Variants in TAFA2 observed in about 807,000 individuals in gnomAD.
The protein encoded by TAFA2 is chemokine-like protein TAFA-2.
A neutral mutation model predicts 18.8 loss-of-function variants in TAFA2; 7 were observed. That is an observed-to-expected ratio of 0.37 (90% confidence interval 0.21 to 0.70). TAFA2 has a LOEUF of 0.70. TAFA2 is among the 30% of genes least tolerant of loss of function. The pLI is 0.53. For missense variants in TAFA2, 122 were observed against 158.1 expected, an observed-to-expected ratio of 0.77 and a Z score of 1.23; for synonymous variants, 60 against 54.2, an observed-to-expected ratio of 1.11 and a Z score of -0.47.
chr12:61,806,220 G>C (rs1160333443), intron 2 of TAFA2, among the ~76,000 whole-genome samples: 1 of 152,172 alleles, frequency 6.6e-6, no homozygotes, highest in Admixed American at 6.6e-5. Context: ...CCCAGGTGTT[G>C]TGGGAGGCAC....
At chr12:61,769,553 C>T (rs914896903) in intron 2 of TAFA2, among the ~76,000 whole-genome samples, 1 of 152,088 alleles carries the variant, frequency 6.6e-6, no homozygotes, top group African/African-American at 2.4e-5. Context: ...GAAGACAGAT[C>T]ACATCACAGG....
At chr12:61,824,837 G>A (rs940217097) in intron 2 of TAFA2, among the ~76,000 whole-genome samples, 12 of 152,092 alleles carry the variant, frequency 7.9e-5, no homozygotes, top group Admixed American at 2.0e-4. Context: ...TAACTTTGTC[G>A]CACTAAGTTT....
At chr12:61,821,291 G>A (rs1355724249) in intron 2 of TAFA2, among the ~76,000 whole-genome samples, 1 of 152,050 alleles carries the variant, frequency 6.6e-6, no homozygotes, top group Middle Eastern at 3.4e-3. Flanking sequence ...ATAGGTTAAT[G>A]ATTTGAAAAT....
At chr12:61,889,901 T>C (rs1875552338) in intron 1 of TAFA2, among the ~76,000 whole-genome samples, 1 of 152,226 alleles carries the variant, frequency 6.6e-6, no homozygotes, top group Non-Finnish European at 1.5e-5. Flanking sequence ...CACTGACTTT[T>C]TCTATTACCA....
At chr12:61,784,460 T>C (rs1439391949) in intron 2 of TAFA2, among the ~76,000 whole-genome samples, 1 of 151,526 alleles carries the variant, frequency 6.6e-6, no homozygotes, top group Non-Finnish European at 1.5e-5. Flanking sequence ...CCTCTTCTGC[T>C]TCAAGTTTAA....
intron 1 of TAFA2, among the ~76,000 whole-genome samples, chr12:62,172,780 G>A (rs1305964964): frequency 6.6e-6 from 1 of 152,152 alleles, no homozygotes; most frequent in Non-Finnish European, 1.5e-5. Flanking sequence ...TATTAAGATA[G>A]AATTTAAATG....
At chr12:61,717,123 C>T (rs1355293910) in intron 4 of TAFA2, among the ~76,000 whole-genome samples, 4 of 152,008 alleles carry the variant, frequency 2.6e-5, no homozygotes, top group African/African-American at 4.8e-5. Flanking sequence ...GTGCTAAATG[C>T]GCAATTAAAA....
At chr12:62,198,535 G>A (rs1193767481) in intron 1 of TAFA2, 4 of 152,094 alleles carry the variant, frequency 2.6e-5, no homozygotes, top group Admixed American at 2.6e-4. Context: ...AAACTTACGA[G>A]TCCCAGTTCA....
In TAFA2 at chr12:62,254,157, ATTTG is replaced by A. The variant is rs1303016673; in HGVS notation, c.-130+4602_-130+4605del. Among the ~76,000 whole-genome samples the A allele has an allele frequency of 1.4e-4, 21 of 152,290 alleles. No homozygotes were observed. In the South Asian group the frequency reaches 3.7e-3, roughly 27 times the overall value. On this transcript the variant is annotated intron_variant, in intron 1 of 5. Coordinates refer to the TAFA2 transcript ENST00000551619. ...ACATAACAACTTTGTGATCTTATTA[ATTTG>A]TTTATCTTATTATTAAAATCAAATT...
chr12:62,128,098 T>G (rs1870537355), intron 1 of TAFA2, among the ~76,000 whole-genome samples: 1 of 151,982 alleles, frequency 6.6e-6, no homozygotes, highest in Non-Finnish European at 1.5e-5. Flanking sequence ...CATGTTGCGA[T>G]TAAGGTGCCT....
At chr12:62,005,788 A>T (rs1383305777) in intron 1 of TAFA2, among the ~76,000 whole-genome samples, 4 of 152,164 alleles carry the variant, frequency 2.6e-5, no homozygotes, top group African/African-American at 9.6e-5. Flanking sequence ...TGAGGTGTAG[A>T]CAGTTCATTT....
In TAFA2 at chr12:61,835,015, G is replaced by C. The variant is rs541271376; in HGVS notation, c.106+32305C>G. Among the ~76,000 whole-genome samples the C allele has an allele frequency of 3.3e-5, 5 of 151,504 alleles. No individual in the cohort carries two copies. In the South Asian group the frequency reaches 1.0e-3, roughly 32 times the overall value. Reference sequence around the variant, plus strand: ...ACTATGATACTCCAGAATTGCTTTTGTTGTCTCAGCTGCTCTGTCTGGACT... The same window carrying C: ...ACTATGATACTCCAGAATTGCTTTTCTTGTCTCAGCTGCTCTGTCTGGACT... On this transcript the variant is annotated intron_variant, in intron 2 of 4. Transcript: ENST00000416284.
intron 1 of TAFA2, among the ~76,000 whole-genome samples, chr12:61,919,402 C>A (rs943865934): frequency 1.3e-5 from 2 of 152,132 alleles, no homozygotes; most frequent in Non-Finnish European, 2.9e-5. Flanking sequence ...CCTTCCAATT[C>A]TCTTTCTGAA....
intron 4 of TAFA2, among the ~76,000 whole-genome samples, chr12:61,719,718 G>T (rs1289830887): frequency 2.0e-5 from 3 of 152,122 alleles, no homozygotes; most frequent in Non-Finnish European, 2.9e-5. Flanking sequence ...TGTGCAGCGG[G>T]CAAGAAGAAC....
At chr12:61,814,391 G>A (rs568672194) in intron 2 of TAFA2, among the ~76,000 whole-genome samples, 2 of 151,462 alleles carry the variant, frequency 1.3e-5, no homozygotes, top group South Asian at 4.1e-4. Flanking sequence ...AAGGAGTTGA[G>A]ATTTATTCTA....
At chr12:61,899,725 G>A (rs771901545) in intron 1 of TAFA2, among the ~76,000 whole-genome samples, 24 of 152,116 alleles carry the variant, frequency 1.6e-4, no homozygotes, top group African/African-American at 2.2e-4. Context: ...TCATCCAACC[G>A]TGGATCAAAA....
intron 1 of TAFA2, among the ~76,000 whole-genome samples, chr12:62,097,456 G>A (rs766460984): frequency 8.5e-5 from 13 of 152,150 alleles, no homozygotes; most frequent in Non-Finnish European, 1.8e-4. Flanking sequence ...ATGGAAATAG[G>A]TTGGTAAACG....
intron 1 of TAFA2, among the ~76,000 whole-genome samples, chr12:62,106,720 C>T (rs1238010367): frequency 2.0e-5 from 3 of 152,168 alleles, no homozygotes; most frequent in Non-Finnish European, 1.5e-5. Flanking sequence ...GTTTCTCCAA[C>T]ACTCGCCCCT....
intron 1 of TAFA2, among the ~76,000 whole-genome samples, chr12:61,872,309 T>C (rs997481457): frequency 6.6e-5 from 10 of 152,122 alleles, no homozygotes; most frequent in Non-Finnish European, 1.2e-4. Flanking sequence ...AAGGGAATAT[T>C]TTTTTAAGTC....
Sources: gnomAD v4.1 joint callset for allele counts (sites outside exome capture counted in the v4.1 genomes callset) on GRCh38, gnomAD v4.1.1 for gene constraint, MANE v1.5 for transcripts, NCBI Gene and HGNC (gene_info 2026-07-23, HGNC 2026-07-21) for gene names.